KCNIP1: variants seen among roughly 807,000 people sequenced by gnomAD.
The protein encoded by KCNIP1 is potassium voltage-gated channel interacting protein 1, also known as A-type potassium channel modulatory protein KCNIP1.
A neutral mutation model predicts 33.0 loss-of-function variants in KCNIP1; 18 were observed. The observed-to-expected ratio is 0.55, with a 90% confidence interval of 0.38 to 0.81. The LOEUF is 0.81. Among genes scored for constraint, KCNIP1 ranks in the 30% least tolerant of loss-of-function variants. The probability of loss-of-function intolerance (pLI) is 0.00; values close to 1 mark genes in which losing one functional copy is unlikely to be tolerated. For missense variants in KCNIP1, 238 were observed against 271.6 expected (o/e 0.88, Z 0.87); for synonymous variants, 93 against 98.3 (o/e 0.95, Z 0.32).
chr5:170,386,093 C>T (rs545802430), intron 1 of KCNIP1, among the ~76,000 whole-genome samples: 2 of 151,284 alleles, frequency 1.3e-5, no homozygotes, highest in South Asian at 4.2e-4. Context: ...CCACTGCACT[C>T]CAGCCTGGGC....
chr5:170,368,560 G>T (rs1406221559), intron 1 of KCNIP1, among the ~76,000 whole-genome samples: 1 of 152,178 alleles, frequency 6.6e-6, no homozygotes, highest in Non-Finnish European at 1.5e-5. Context: ...ACCGTGCCCG[G>T]CCTAAAGTTC....
chr5:170,598,904 C>T (rs4867993), intron 1 of KCNIP1, among the ~76,000 whole-genome samples: 42,614 of 132,804 alleles, frequency 0.32, 6,853 homozygotes, highest in East Asian at 0.41. Flanking sequence ...TGTGTGTGCG[C>T]GTGTGTGTGT....
chr5:170,679,609 T>C (rs1437705446), intron 1 of KCNIP1, among the ~76,000 whole-genome samples: 2 of 147,854 alleles, frequency 1.4e-5, no homozygotes, highest in Admixed American at 6.8e-5. Flanking sequence ...CTTTTGGAAA[T>C]ATTTTATGTA....
intron 1 of KCNIP1, among the ~76,000 whole-genome samples, chr5:170,369,998 G>A (rs1418902517): frequency 6.6e-6 from 1 of 152,126 alleles, no homozygotes; most frequent in Non-Finnish European, 1.5e-5. Context: ...CAGGAATTAA[G>A]TTTATACAAG....
Position 170,615,880 on chromosome 5 carries a change from T to C in KCNIP1, c.62-102878T>C, listed in dbSNP as rs193042207. ...AATGTCCTGGCACGCATCTGGCACA[T>C]AGTGAGTGCTTCCTATAATAAACAG... On this transcript the variant is annotated intron_variant, in intron 1 of 7. Transcript: ENST00000328939. 2.9e-3 allele frequency among the ~76,000 whole-genome samples: 442 copies of C among 152,348 alleles called. 1 individual carries two copies. Among genetic ancestry groups the C allele is most frequent in the Non-Finnish European group, 4.5e-3 (305 of 68,028 alleles).
chr5:170,582,487 C>A (rs778824069), intron 1 of KCNIP1, among the ~76,000 whole-genome samples: 3 of 152,154 alleles, frequency 2.0e-5, no homozygotes, highest in Non-Finnish European at 2.9e-5. Context: ...TTGCATCTAC[C>A]CCCTTCTCTC....
chr5:170,392,913 G>C (rs1258351631), intron 1 of KCNIP1, among the ~76,000 whole-genome samples: 2 of 152,200 alleles, frequency 1.3e-5, no homozygotes, highest in Non-Finnish European at 2.9e-5. Flanking sequence ...TGATATGGGA[G>C]GGTATTTTTG....
chr5:170,436,260 G>C (rs774858952), intron 1 of KCNIP1, among the ~76,000 whole-genome samples: 1 of 152,228 alleles, frequency 6.6e-6, no homozygotes, highest in Non-Finnish European at 1.5e-5. Context: ...GCCATTCGAG[G>C]TTATTAATTT....
At chr5:170,569,609 C>T (rs748268596) in intron 1 of KCNIP1, among the ~76,000 whole-genome samples, 2 of 152,094 alleles carry the variant, frequency 1.3e-5, no homozygotes, top group South Asian at 2.1e-4. Flanking sequence ...CTGGGCTTTG[C>T]GGCATGCCAC....
In KCNIP1 at chr5:170,504,851, C is replaced by A. The variant is rs911056339; in HGVS notation, c.61+218C>A. Among the ~76,000 whole-genome samples, 5 of 152,154 alleles carry A rather than the reference C, an allele frequency of 3.3e-5. No homozygotes were observed. Among genetic ancestry groups the A allele is most frequent in the African/African-American group, 1.2e-4 (5 of 41,446 alleles). On this transcript the variant is annotated intron_variant, in intron 1 of 7. Transcript: ENST00000328939. This position sits in a 1 kb window ranked among gnomAD's most constrained non-coding sequence, Gnocchi z 6.0. ...ACGTCTGCCCCAGCGGCAACTGGAC[C>A]CCTCTGGGGCACCAGGTGTCGGGAC...
At chr5:170,496,621 A>G (rs1271071520) in intron 1 of KCNIP1, among the ~76,000 whole-genome samples, 1 of 152,200 alleles carries the variant, frequency 6.6e-6, no homozygotes, top group Non-Finnish European at 1.5e-5. Flanking sequence ...ACCTCAGGAG[A>G]CTAAAGCAGG....
At chr5:170,536,493 A>T (rs1297581164) in intron 1 of KCNIP1, among the ~76,000 whole-genome samples, 1 of 152,154 alleles carries the variant, frequency 6.6e-6, no homozygotes, top group African/African-American at 2.4e-5. Flanking sequence ...CCCATCATTA[A>T]AATCCCTCTC....
intron 1 of KCNIP1, among the ~76,000 whole-genome samples, chr5:170,634,018 G>A (rs1760187980): frequency 6.6e-6 from 1 of 152,150 alleles, no homozygotes; most frequent in Non-Finnish European, 1.5e-5. Context: ...AGTGGTGAGA[G>A]GGATGTGGTT....
intron 1 of KCNIP1, among the ~76,000 whole-genome samples, chr5:170,360,645 A>G (rs1763483554): frequency 6.6e-6 from 1 of 152,182 alleles, no homozygotes; most frequent in South Asian, 2.1e-4. Context: ...CCCTGCCCCC[A>G]GTCACTCTTG....
At chr5:170,503,885 C>T (rs1181884995), upstream of KCNIP1, among the ~76,000 whole-genome samples, 2 of 151,920 alleles carry the variant, frequency 1.3e-5, no homozygotes, top group South Asian at 2.1e-4. Flanking sequence ...CGCACATACC[C>T]CGGCAGATGA....
intron 1 of KCNIP1, among the ~76,000 whole-genome samples, chr5:170,492,890 C>T (rs1757234480): frequency 6.6e-6 from 1 of 152,212 alleles, no homozygotes; most frequent in Non-Finnish European, 1.5e-5. Flanking sequence ...GCTGGGACTA[C>T]AGGTGCCCAC....
At chr5:170,628,944 C>T (rs1759944144) in intron 1 of KCNIP1, among the ~76,000 whole-genome samples, 1 of 152,218 alleles carries the variant, frequency 6.6e-6, no homozygotes, top group African/African-American at 2.4e-5. Context: ...GTCTGCAGCA[C>T]TGAGGTCAGC....
At chr5:170,714,715 AT>A (rs1232594918) in intron 1 of KCNIP1, among the ~76,000 whole-genome samples, 8 of 152,146 alleles carry the variant, frequency 5.3e-5, no homozygotes, top group Non-Finnish European at 8.8e-5. Context: ...AAAATAAAAA[AT>A]TTTTAAATAG....
At chr5:170,553,031 T>A (rs986529093) in intron 1 of KCNIP1, among the ~76,000 whole-genome samples, 6 of 152,236 alleles carry the variant, frequency 3.9e-5, no homozygotes, top group African/African-American at 1.4e-4. Context: ...CCCAAGGCTA[T>A]GCAGAGGCCT....
Sources: allele counts gnomAD v4.1 joint callset (sites outside exome capture counted in the v4.1 genomes callset), GRCh38; gene constraint gnomAD v4.1.1; non-coding constraint Gnocchi (gnomAD v3.1); transcripts MANE v1.5; gene names NCBI Gene and HGNC (gene_info 2026-07-23, HGNC 2026-07-21).